The following BOD1L1 variants were observed in gnomAD, a reference collection of about 807,000 sequenced individuals.
BOD1L1 encodes the protein biorientation of chromosomes in cell division 1 like 1.
A neutral mutation model predicts 240.7 loss-of-function variants in BOD1L1; 86 were observed. That is an observed-to-expected ratio of 0.36 (90% CI 0.30 to 0.43). The LOEUF (loss-of-function observed/expected upper bound fraction) is 0.43. Among genes scored for constraint, BOD1L1 ranks in the 20% least tolerant of loss-of-function variants. BOD1L1 has a pLI of 1.00. For synonymous variants in BOD1L1, 1,268 were observed against 1,272.3 expected (o/e 1.00, Z 0.07); for missense variants, 3,554 against 3,643.5 (o/e 0.98, Z 0.63).
intron 25 of BOD1L1, among the ~76,000 whole-genome samples, chr4:13,574,143 C>T (rs1188505918): frequency 1.3e-5 from 2 of 152,168 alleles, no homozygotes; most frequent in Non-Finnish European, 2.9e-5. Context: ...GTAGAAGCCA[C>T]AGGGAGGCCG....
At position 13,627,502 on chromosome 4, in the gene BOD1L1, G is replaced by A. The variant is rs1717495531; in HGVS notation, c.86C>T (p.Pro29Leu). The change falls in exon 1 of 26, where the codon CCG becomes CTG. Residue 29 changes from proline (P) to leucine (L), a missense_variant. Physicochemically the swap from Pro to Leu is moderately conservative, Grantham distance 98 (BLOSUM62 -3). Around this residue, in one of 2 missense-constraint regions of BOD1L1, gnomAD observed 161 missense variants for 216.4 expected, o/e 0.74. Transcript: ENST00000040738. ...GCCGGGGCCAGCCCCGGGGCCCGGC[G>A]GCGGCGGCGGTGGCTGCGGCTGCGG... ...PQPQPQPPPP[P>L]PGPGAGPGAG... 1 of 1,008,706 alleles carries A rather than the reference G, an allele frequency of 9.9e-7. No individual in the cohort carries two copies. The highest frequency in any genetic ancestry group is 1.2e-6 in the Non-Finnish European group (1 of 845,958). The allele number at this position is 1,008,706 out of a possible 1,614,324, so 62.5% of individuals were successfully genotyped here.
In BOD1L1 at chr4:13,600,949, G is replaced by A. The variant is rs1280843897; in HGVS notation, c.5951C>T (p.Ser1984Phe). The part of the protein sequence containing the change: ...GCEGPMTSAA[S>F]DQSDSQLEKV... ...TTCGAGCTGACTGTCACTTTGATCA[G>A]ATGCAGCACTAGTCATAGGACCCTC... is the stretch of plus-strand genomic sequence containing the variant. The change falls in exon 10 of 26, where the codon TCT becomes TTT. Residue 1984 changes from serine (S) to phenylalanine (F), a missense_variant. By Grantham distance (155) the Ser-to-Phe change is radical (BLOSUM62 -2). Around this residue, in one of 2 missense-constraint regions of BOD1L1, gnomAD observed 3,393 missense variants for 3,427.1 expected, o/e 0.99. Coordinates refer to ENST00000040738, the MANE Select transcript of BOD1L1 (RefSeq NM_148894.3). The A allele has an allele frequency of 6.2e-7, 1 of 1,613,964 alleles. No homozygotes were observed. Among genetic ancestry groups the A allele is most frequent in the East Asian group, 2.2e-5 (1 of 44,870 alleles).
At chr4:13,584,588 T>C (rs1430337964) in intron 17 of BOD1L1, among the ~76,000 whole-genome samples, 1 of 152,076 alleles carries the variant, frequency 6.6e-6, no homozygotes, top group East Asian at 1.9e-4. Flanking sequence ...GAAGATGTCC[T>C]GCACAAAAGT....
Position 13,599,131 on chromosome 4 carries a change from T to C in BOD1L1, c.7769A>G (p.Tyr2590Cys), listed in dbSNP as rs1159222382. The C allele has an allele frequency of 5.0e-6, 8 of 1,613,844 alleles. No individual in the cohort carries two copies. Among genetic ancestry groups the C allele is most frequent in the Admixed American group, 1.7e-5 (1 of 60,020 alleles). ...TTTAGGAGCCAACAGAGCTACACTGTAAGTAGCTGGAGGGATCATTGTGTG... is the reference window on the plus strand; with the variant it reads ...TTTAGGAGCCAACAGAGCTACACTGCAAGTAGCTGGAGGGATCATTGTGTG... ...PSHTMIPPAT[Y>C]SVALLAPKCE... Residue 2590 changes from tyrosine to cysteine, a missense_variant, in exon 10 of 26, where the codon TAC (tyrosine) becomes TGC (cysteine). By Grantham distance (194) the Tyr-to-Cys change is radical. Around this residue, in one of 2 missense-constraint regions of BOD1L1, gnomAD observed 3,393 missense variants for 3,427.1 expected, o/e 0.99. Coordinates refer to ENST00000040738, the MANE Select transcript of BOD1L1 (RefSeq NM_148894.3).
chr4:13,571,188 G>A, intron 25 of BOD1L1, among the ~76,000 whole-genome samples: 1 of 152,166 alleles, frequency 6.6e-6, no homozygotes, highest in South Asian at 2.1e-4. Context: ...ATTCTCTAGG[G>A]CAGCTGCTGA....
At position 13,576,972 on chromosome 4, in the gene BOD1L1, T is replaced by C. The variant is rs763184330; in HGVS notation, c.8904A>G (p.Arg2968=). ...GATCAGAAACTGATTTCTGGCGTTTTCTTTCTGGCTCTGAGGATTCTGTTC... is the reference window on the plus strand; with the variant it reads ...GATCAGAAACTGATTTCTGGCGTTTCCTTTCTGGCTCTGAGGATTCTGTTC... ...SDDAESSEPE[R]KRQKSVSDPV... The change falls in exon 25 of 26, where the codon AGA becomes AGG. Residue 2968 remains arginine (R), a synonymous_variant. Transcript: ENST00000040738. 1.9e-6 allele frequency: 3 copies of C among 1,613,828 alleles called. No homozygotes were observed. In the East Asian group the frequency reaches 6.7e-5, roughly 36 times the overall value.
In BOD1L1 at chr4:13,627,713, C is replaced by T; in HGVS notation, c.-126G>A. 1 of 870,748 alleles carries T rather than the reference C, an allele frequency of 1.1e-6. No individual in the cohort carries two copies. The highest frequency in any genetic ancestry group is 5.3e-5 in the South Asian group (1 of 18,960). The allele number at this position is 870,748 out of a possible 1,614,324, so 53.9% of individuals were successfully genotyped here. On this transcript the variant is annotated 5_prime_UTR_variant, in exon 1 of 26. Transcript: ENST00000040738. ...TGTTACGGAACCAGCGGATCCAGAG[C>T]AACCCCGGAAGTGAAAGGGAACTGG...
intron 2 of BOD1L1, among the ~76,000 whole-genome samples, chr4:13,616,800 T>G (rs967562389): frequency 2.6e-5 from 4 of 152,092 alleles, no homozygotes; most frequent in Admixed American, 6.5e-5. Context: ...ATGAGCCAAC[T>G]CAGCACAAAG....
chr4:13,576,217 C>G (rs1712724236), intron 25 of BOD1L1, among the ~76,000 whole-genome samples: 1 of 152,080 alleles, frequency 6.6e-6, no homozygotes. Context: ...TTGCCAAACC[C>G]TTAATATTTT....
chr4:13,597,255 T>C, intron 10 of BOD1L1, 87 bp from the exon 11 acceptor site: 2 of 969,916 alleles, frequency 2.1e-6, no homozygotes, highest in African/African-American at 1.6e-5. Context: ...TGTGGTTATC[T>C]GACATGCTGT....
chr4:13,597,133 A>G lies in BOD1L1; in HGVS notation c.7990T>C (p.Leu2664=). 6.3e-7 allele frequency: 1 copy of G among 1,595,600 alleles called. No individual in the cohort carries two copies. The highest frequency in any genetic ancestry group is 1.1e-5 in the South Asian group (1 of 88,056). ...EESPLNVLGG[L]KLKANLKMEA... is the part of the protein sequence containing the mutation. ...ATTTTCAAGTTGGCTTTCAGTTTCA[A>G]TCCTCCCAAAACATTCAATGGAGAC... Residue 2664 remains leucine, a synonymous_variant, in exon 11 of 26, where the codon TTG becomes CTG. Transcript: ENST00000040738.
At chr4:13,606,978 G>T (rs1715757434) in intron 9 of BOD1L1, 139 bp downstream of exon 9, 1 of 514,460 alleles carries the variant, frequency 1.9e-6, no homozygotes, top group Non-Finnish European at 3.3e-6. Flanking sequence ...ACAAAATGGG[G>T]TTTCAAAAAT....
Position 13,614,675 on chromosome 4 carries a change from C to G in BOD1L1, c.695G>C (p.Arg232Thr). 1.9e-6 allele frequency: 3 copies of G among 1,613,908 alleles called. No homozygotes were observed. The highest frequency in any genetic ancestry group is 4.5e-5 in the East Asian group (2 of 44,876). The part of the protein sequence containing the change: ...TETSNAKTSE[R>T]ASKKLPSQPT... ...CTGAGATGGAAGTTTTTTTGACGCT[C>G]TCTCACTGGTCTTGGCATTTGATGT... is the stretch of plus-strand genomic sequence containing the variant. Residue 232 changes from arginine (R) to threonine (T), a missense_variant, in exon 4 of 26, where the codon AGA becomes ACA. This residue lies in a region of BOD1L1 where 3,393 missense variants were observed against 3,427.1 expected (regional missense o/e 0.99). Coordinates refer to ENST00000040738, the MANE Select transcript of BOD1L1 (RefSeq NM_148894.3).
intron 12 of BOD1L1, chr4:13,592,715 G>C (rs751231667): frequency 2.0e-5 from 3 of 152,128 alleles, no homozygotes; most frequent in Non-Finnish European, 2.9e-5. Context: ...CCAAGTCTTG[G>C]TGTGGTCTTC....
intron 17 of BOD1L1, among the ~76,000 whole-genome samples, chr4:13,584,476 G>GTGTC (rs1553836242): frequency 5.3e-5 from 8 of 151,314 alleles, no homozygotes; most frequent in African/African-American, 1.9e-4. Flanking sequence ...GTGTGTGTGT[G>GTGTC]TGTGTGTTGG....
At chr4:13,577,545 C>T in intron 23 of BOD1L1, 37 bp downstream of exon 23, 2 of 1,592,998 alleles carry the variant, frequency 1.3e-6, no homozygotes, top group East Asian at 2.2e-5. Flanking sequence ...AAGTTGATTT[C>T]TAAACAACAT....
chr4:13,595,763 G>A, intron 12 of BOD1L1, 97 bp downstream of exon 12: 2 of 876,620 alleles, frequency 2.3e-6, no homozygotes, highest in Non-Finnish European at 3.7e-6. Context: ...AATAGAGCCT[G>A]TATGTTACTA....
chr4:13,591,721 T>C (rs951546571), intron 13 of BOD1L1, among the ~76,000 whole-genome samples: 4 of 152,148 alleles, frequency 2.6e-5, no homozygotes, highest in Non-Finnish European at 4.4e-5. Context: ...TATCAGTGGG[T>C]ATAGGTGAAC....
In BOD1L1 at chr4:13,571,122, T is replaced by C. The variant is rs146727683; in HGVS notation, c.9039-994A>G. Among the ~76,000 whole-genome samples the C allele has an allele frequency of 2.0e-4, 31 of 152,340 alleles. No individual in the cohort carries two copies. In the East Asian group the frequency reaches 5.6e-3, roughly 28 times the overall value. Reference sequence around the variant, plus strand: ...TGCAAAATATTCTTATAGTGGGTTGTTGCCAAAAAAGTTTGAAAGTCTTAT... The same window carrying C: ...TGCAAAATATTCTTATAGTGGGTTGCTGCCAAAAAAGTTTGAAAGTCTTAT... On this transcript the variant is annotated intron_variant, in intron 25 of 25. Coordinates refer to ENST00000040738, the MANE Select transcript of BOD1L1 (RefSeq NM_148894.3).
Sources: allele counts gnomAD v4.1 joint callset (sites outside exome capture counted in the v4.1 genomes callset), GRCh38; gene constraint gnomAD v4.1.1; regional missense constraint gnomAD v4.1.1; transcripts MANE v1.5; gene names NCBI Gene and HGNC (gene_info 2026-07-23, HGNC 2026-07-21).